The following TMEM131L variants were observed in gnomAD, a reference collection of about 807,000 sequenced individuals.
TMEM131L encodes transmembrane protein 131-like.
In TMEM131L, 54 loss-of-function variants were observed where a neutral mutation model predicts 192.2. That is an observed-to-expected ratio of 0.28 (90% CI 0.23 to 0.35). The LOEUF (loss-of-function observed/expected upper bound fraction) is 0.35. Among genes scored for constraint, TMEM131L ranks in the 10% least tolerant of loss-of-function variants. The pLI is 1.00. For missense variants in TMEM131L, 1,888 were observed against 1,972.9 expected, an observed-to-expected ratio of 0.96 and a Z score of 0.82; for synonymous variants, 701 against 704.9, an observed-to-expected ratio of 0.99 and a Z score of 0.09.
chr4:153,539,168 A>T (rs1736570900), intron 3 of TMEM131L, among the ~76,000 whole-genome samples: 1 of 152,156 alleles, frequency 6.6e-6, no homozygotes, highest in Non-Finnish European at 1.5e-5. Context: ...TACCTCCCCC[A>T]AAAGGGGGGG....
Position 153,591,069 on chromosome 4 carries a change from A to G in TMEM131L, c.1687A>G (p.Thr563Ala), listed in dbSNP as rs1561220963. ...ATTAAACAGGAGGAATGTTTTGGGA[A>G]CAACTCGATTTGCTCACTTGAAGAA... ...GDVCKRNVLGTTRFAHLKKSK... is the reference protein window; with the variant it reads ...GDVCKRNVLGATRFAHLKKSK... The change falls in exon 17 of 35, where the codon ACA becomes GCA. Residue 563 changes from threonine (T) to alanine (A), a missense_variant. By Grantham distance (58) the Thr-to-Ala change is moderately conservative (BLOSUM62 0). Coordinates refer to ENST00000409959, the MANE Select transcript of TMEM131L (RefSeq NM_001131007.2). 6.3e-7 allele frequency: 1 copy of G among 1,589,290 alleles called. No homozygotes were observed. Among genetic ancestry groups the G allele is most frequent in the Non-Finnish European group, 8.6e-7 (1 of 1,166,338 alleles).
chr4:153,487,693 C>CAT (rs1554020495), intron 3 of TMEM131L, among the ~76,000 whole-genome samples: 4 of 142,020 alleles, frequency 2.8e-5, no homozygotes, highest in Non-Finnish European at 4.6e-5. Flanking sequence ...GCTGCACAGG[C>CAT]GTGTGTGTGT....
At chr4:153,560,333 C>G (rs1372408419) in intron 7 of TMEM131L, among the ~76,000 whole-genome samples, 5 of 152,204 alleles carry the variant, frequency 3.3e-5, no homozygotes, top group African/African-American at 1.2e-4. Context: ...TGGGGCTGTC[C>G]TCACAGGCCA....
chr4:153,477,064 A>T (rs943394402), intron 3 of TMEM131L, among the ~76,000 whole-genome samples: 5 of 152,132 alleles, frequency 3.3e-5, no homozygotes, highest in Non-Finnish European at 4.4e-5. Context: ...GATGGAGGGA[A>T]ATGGAACATT....
chr4:153,517,330 T>C (rs77439317), intron 3 of TMEM131L, among the ~76,000 whole-genome samples: 2,850 of 152,284 alleles, frequency 0.019, 51 homozygotes, highest in South Asian at 0.061. Context: ...TTCCCACCTC[T>C]TCCCTCAACT....
chr4:153,543,337 G>A (rs965638296), intron 3 of TMEM131L, among the ~76,000 whole-genome samples: 1 of 152,046 alleles, frequency 6.6e-6, no homozygotes, highest in African/African-American at 2.4e-5. Context: ...AAACTTCTGG[G>A]GAGAAGTATT....
intron 31 of TMEM131L, among the ~76,000 whole-genome samples, chr4:153,631,520 T>G (rs994510791): frequency 1.3e-5 from 2 of 152,088 alleles, no homozygotes; most frequent in African/African-American, 4.8e-5. Flanking sequence ...AACCCTGAGC[T>G]TTGGGACCCC....
Position 153,539,137 on chromosome 4 carries a change from A to T in TMEM131L, c.240-10936A>T, listed in dbSNP as rs1201883770. 2.6e-5 allele frequency among the ~76,000 whole-genome samples: 4 copies of T among 152,208 alleles called. No homozygotes were observed. The East Asian group carries it at 7.7e-4, about 29-fold the overall frequency. On this transcript the variant is annotated intron_variant, in intron 3 of 34. Transcript: ENST00000409959. ...TTCTCAAGGAAAAATTGCTTTTCATACAACATATGTTTAAGTCACATACCT... is the reference window on the plus strand; with the variant it reads ...TTCTCAAGGAAAAATTGCTTTTCATTCAACATATGTTTAAGTCACATACCT...
At chr4:153,498,559 G>A (rs79818426) in intron 3 of TMEM131L, among the ~76,000 whole-genome samples, 2,060 of 152,226 alleles carry the variant, frequency 0.014, 52 homozygotes, top group African/African-American at 0.045. Context: ...TTTTGGAGGT[G>A]GGTAGGGAAG....
chr4:153,532,887 C>T (rs545591014), intron 3 of TMEM131L, among the ~76,000 whole-genome samples: 7 of 152,002 alleles, frequency 4.6e-5, no homozygotes, highest in East Asian at 3.9e-4. Context: ...AGCTAGCTGA[C>T]GCATTAAAGG....
chr4:153,548,114 G>T (rs923483406), intron 3 of TMEM131L, among the ~76,000 whole-genome samples: 2 of 151,844 alleles, frequency 1.3e-5, no homozygotes, highest in African/African-American at 4.8e-5. Flanking sequence ...CTTCACCTTC[G>T]TTACCACCTG....
intron 10 of TMEM131L, 57 bp from the exon 11 acceptor site, chr4:153,583,507 C>A: frequency 8.5e-7 from 1 of 1,178,286 alleles, no homozygotes; most frequent in Non-Finnish European, 1.3e-6. Context: ...TTCATTCAAA[C>A]TGGATAAATA....
intron 15 of TMEM131L, among the ~76,000 whole-genome samples, chr4:153,588,451 A>G (rs1356024817): frequency 6.7e-6 from 1 of 150,288 alleles, no homozygotes; most frequent in African/African-American, 2.5e-5. Flanking sequence ...ATAAACATGC[A>G]TCTTCTCTAG....
At chr4:153,579,989 T>G (rs1054338634) in intron 7 of TMEM131L, among the ~76,000 whole-genome samples, 15 of 152,210 alleles carry the variant, frequency 9.9e-5, no homozygotes, top group African/African-American at 3.6e-4. Context: ...TGCCAAGATT[T>G]GATGTTAGGA....
rs1258140198 is a variant in TMEM131L, at chr4:153,636,418, T to C, written c.4675T>C (p.Ser1559Pro). 1 of 1,614,126 alleles carries C rather than the reference T, an allele frequency of 6.2e-7. No individual in the cohort carries two copies. The highest frequency in any genetic ancestry group is 1.3e-5 in the African/African-American group (1 of 75,020). The change falls in exon 35 of 35, where the codon TCG becomes CCG. Residue 1559 changes from serine to proline, a missense_variant. By Grantham distance (74) the Ser-to-Pro change is moderately conservative (BLOSUM62 -1). Coordinates refer to ENST00000409959, the MANE Select transcript of TMEM131L (RefSeq NM_001131007.2). Reference sequence around the variant, plus strand: ...CCCCATCAACCCCACCACGGAACATTCGACCCACATGGAAAACCAAGCGGT... The same window carrying C: ...CCCCATCAACCCCACCACGGAACATCCGACCCACATGGAAAACCAAGCGGT... The part of the protein sequence containing the change: ...CCPINPTTEH[S>P]THMENQAVVC...
intron 26 of TMEM131L, among the ~76,000 whole-genome samples, chr4:153,618,284 G>A (rs1419517100): frequency 2.0e-5 from 3 of 151,746 alleles, no homozygotes; most frequent in Non-Finnish European, 4.4e-5. Flanking sequence ...AGACCAGTCT[G>A]GGCAACACAG....
chr4:153,628,655 A>AC (rs879811887), intron 31 of TMEM131L, among the ~76,000 whole-genome samples: 2 of 152,126 alleles, frequency 1.3e-5, no homozygotes, highest in Non-Finnish European at 2.9e-5. Context: ...AATTAAAAAA[A>AC]TCTAAAATTA....
intron 16 of TMEM131L, among the ~76,000 whole-genome samples, chr4:153,590,246 A>G (rs1238807602): frequency 1.3e-5 from 2 of 152,224 alleles, no homozygotes; most frequent in African/African-American, 4.8e-5. Flanking sequence ...AGTTCAGGCC[A>G]GTTGTTTTAT....
intron 3 of TMEM131L, among the ~76,000 whole-genome samples, chr4:153,534,256 G>A (rs1736139443): frequency 6.6e-6 from 1 of 152,118 alleles, no homozygotes; most frequent in Non-Finnish European, 1.5e-5. Flanking sequence ...AGAGAAAACT[G>A]CGAAACTAAA....
Sources: gnomAD v4.1 joint callset for allele counts (sites outside exome capture counted in the v4.1 genomes callset) on GRCh38, gnomAD v4.1.1 for gene constraint, MANE v1.5 for transcripts, NCBI Gene and HGNC (gene_info 2026-07-23, HGNC 2026-07-21) for gene names.